The following EXOC4 variants were observed in gnomAD, a reference collection of about 807,000 sequenced individuals.
The protein encoded by EXOC4 is SEC8-like 1.
EXOC4 carries 71 observed loss-of-function variants against 107.2 expected under a neutral mutation model. That is an observed-to-expected ratio of 0.66 (90% CI 0.55 to 0.81). EXOC4 has a LOEUF of 0.81. Ranked by LOEUF, EXOC4 falls within the 30% of genes least tolerant of loss-of-function variation. EXOC4 has a pLI of 0.00. For missense variants in EXOC4, 1,108 were observed against 1,189.6 expected, an observed-to-expected ratio of 0.93 and a Z score of 1.01; for synonymous variants, 456 against 441.2, an observed-to-expected ratio of 1.03 and a Z score of -0.42.
At chr7:133,828,059 T>G (rs184761946) in intron 11 of EXOC4, among the ~76,000 whole-genome samples, 2 of 152,266 alleles carry the variant, frequency 1.3e-5, no homozygotes, top group Non-Finnish European at 2.9e-5. Flanking sequence ...CATTTTGAGG[T>G]TTTGATTGGC....
downstream of EXOC4, among the ~76,000 whole-genome samples, chr7:134,070,766 G>A (rs1360907015): frequency 1.4e-5 from 2 of 143,434 alleles, no homozygotes; most frequent in African/African-American, 5.3e-5. Context: ...CCACTTATGT[G>A]TGTACAAATA....
At chr7:133,448,385 C>A (rs1798265815) in intron 7 of EXOC4, among the ~76,000 whole-genome samples, 1 of 152,032 alleles carries the variant, frequency 6.6e-6, no homozygotes, top group African/African-American at 2.4e-5. Context: ...GCAGCCTTGA[C>A]CTCCTGGGCT....
chr7:133,829,683 A>G (rs1413237987), intron 11 of EXOC4, among the ~76,000 whole-genome samples: 1 of 152,192 alleles, frequency 6.6e-6, no homozygotes, highest in Admixed American at 6.5e-5. Context: ...GGCATGACCA[A>G]ATGGGGTTCA....
chr7:133,826,272 A>G (rs1307099097), intron 11 of EXOC4, among the ~76,000 whole-genome samples: 1 of 152,156 alleles, frequency 6.6e-6, no homozygotes, highest in East Asian at 1.9e-4. Flanking sequence ...TGTGTTACTT[A>G]TGTATTGTTA....
chr7:133,771,239 T>C (rs758644338), intron 10 of EXOC4: 1 of 152,024 alleles, frequency 6.6e-6, no homozygotes, highest in Non-Finnish European at 1.5e-5. Flanking sequence ...ATTCTTTTTC[T>C]ATCAACTGAC....
In EXOC4 at chr7:133,824,854, T is replaced by G. The variant is rs111758971; in HGVS notation, c.1734+7310T>G. Among the ~76,000 whole-genome samples the G allele has an allele frequency of 3.1e-3, 476 of 152,206 alleles. 4 individuals carry two copies. Among genetic ancestry groups the G allele is most frequent in the African/African-American group, 0.011 (445 of 41,540 alleles). On this transcript the variant is annotated intron_variant, in intron 11 of 17. Transcript: ENST00000253861. ...AAGGATACTTTCATTGGATTTAGGG[T>G]TTGTCTTAATCCAGGACGATCTCAT...
chr7:133,941,851 C>CTCTCTCTCTCTCTCTCTCTCTCT (rs1330545954), intron 14 of EXOC4, among the ~76,000 whole-genome samples: 3 of 151,786 alleles, frequency 2.0e-5, no homozygotes, highest in African/African-American at 4.8e-5. Flanking sequence ...CTCTCTCTCT[C>CTCTCTCTCTCTCTCTCTCTCTCT]GGATCTAAGT....
intron 9 of EXOC4, among the ~76,000 whole-genome samples, chr7:133,514,897 A>G (rs1044585571): frequency 6.6e-6 from 1 of 152,164 alleles, no homozygotes; most frequent in Non-Finnish European, 1.5e-5. Context: ...ATCATTTCAT[A>G]TAAGGGCATT....
intron 14 of EXOC4, among the ~76,000 whole-genome samples, chr7:133,969,701 T>C (rs1477530844): frequency 6.6e-6 from 1 of 152,196 alleles, no homozygotes; most frequent in Admixed American, 6.5e-5. Flanking sequence ...GCCTGTTCCT[T>C]CCTCTGGAAG....
At chr7:133,835,340 G>C (rs1351051791) in intron 11 of EXOC4, among the ~76,000 whole-genome samples, 1 of 152,182 alleles carries the variant, frequency 6.6e-6, no homozygotes, top group Non-Finnish European at 1.5e-5. Context: ...TCGGGGTGCA[G>C]CCTTGTTTTA....
At chr7:133,423,609 C>T (rs1797652873) in intron 7 of EXOC4, among the ~76,000 whole-genome samples, 1 of 152,174 alleles carries the variant, frequency 6.6e-6, no homozygotes, top group African/African-American at 2.4e-5. Flanking sequence ...TGTTCTTGGA[C>T]ATAATAGTGA....
At chr7:133,904,309 T>C (rs1370153646) in intron 12 of EXOC4, among the ~76,000 whole-genome samples, 1 of 152,130 alleles carries the variant, frequency 6.6e-6, no homozygotes, top group East Asian at 1.9e-4. Flanking sequence ...AGGAGGGGTG[T>C]GCAACTGGAG....
chr7:133,703,480 T>A (rs1794707731), intron 10 of EXOC4, among the ~76,000 whole-genome samples: 1 of 152,194 alleles, frequency 6.6e-6, no homozygotes, highest in African/African-American at 2.4e-5. Flanking sequence ...GGTCAAGGAA[T>A]AATAAAGTTG....
chr7:133,523,208 A>G (rs759664202), intron 9 of EXOC4, among the ~76,000 whole-genome samples: 3 of 152,230 alleles, frequency 2.0e-5, no homozygotes, highest in South Asian at 2.1e-4. Flanking sequence ...TCAGGATATC[A>G]TAGAATAAAT....
intron 12 of EXOC4, among the ~76,000 whole-genome samples, chr7:133,908,016 A>G (rs1270331143): frequency 6.6e-6 from 1 of 152,138 alleles, no homozygotes; most frequent in African/African-American, 2.4e-5. Context: ...CCCTTCACTC[A>G]TCCTTTCCAG....
intron 3 of EXOC4, among the ~76,000 whole-genome samples, chr7:133,302,610 C>T (rs979150740): frequency 1.2e-4 from 18 of 152,206 alleles, no homozygotes; most frequent in African/African-American, 4.3e-4. Context: ...GGGGAATAGA[C>T]AGCATTTACC....
At chr7:133,385,081 G>A (rs899980635) in intron 7 of EXOC4, among the ~76,000 whole-genome samples, 6 of 152,102 alleles carry the variant, frequency 3.9e-5, no homozygotes, top group Non-Finnish European at 8.8e-5. Flanking sequence ...TTGCAGCAGC[G>A]TTGTCTCAGG....
Position 133,912,358 on chromosome 7 carries a change from C to T in EXOC4, c.1872-5225C>T, listed in dbSNP as rs1799714412. On this transcript the variant is annotated intron_variant, in intron 12 of 17. Coordinates refer to ENST00000253861, the MANE Select transcript of EXOC4 (RefSeq NM_021807.4). ...GAAGGGAAAGGCTTGTCAATAATCG[C>T]TCTTTGGTTCATTTGTTTTATGAGT... 2.6e-5 allele frequency among the ~76,000 whole-genome samples: 4 copies of T among 152,136 alleles called. 1 individual carries two copies. The highest frequency in any genetic ancestry group is 1.3e-4 in the Admixed American group (2 of 15,282).
chr7:133,504,786 C>G (rs1029507288), intron 9 of EXOC4, among the ~76,000 whole-genome samples: 3 of 151,960 alleles, frequency 2.0e-5, no homozygotes, highest in Non-Finnish European at 4.4e-5. Context: ...ATTATTGAGT[C>G]TCTGGGACTC....
Sources: gnomAD v4.1 joint callset for allele counts (sites outside exome capture counted in the v4.1 genomes callset) on GRCh38, gnomAD v4.1.1 for gene constraint, MANE v1.5 for transcripts, NCBI Gene and HGNC (gene_info 2026-07-23, HGNC 2026-07-21) for gene names.